SUGCT: variants seen among roughly 807,000 people sequenced by gnomAD.
SUGCT encodes succinyl-CoA:glutarate CoA-transferase.
In SUGCT, 41 loss-of-function variants were observed where a neutral mutation model predicts 55.0. That is an observed-to-expected ratio of 0.74 (90% CI 0.58 to 0.97). SUGCT has a LOEUF of 0.97. Among genes scored for constraint, SUGCT ranks in the 50% least tolerant of loss-of-function variants. SUGCT has a pLI of 0.00. For missense variants in SUGCT, 568 were observed against 547.8 expected (o/e 1.04, Z -0.37); for synonymous variants, 187 against 200.4 (o/e 0.93, Z 0.56).
intron 8 of SUGCT, among the ~76,000 whole-genome samples, chr7:40,287,850 C>T (rs1191334362): frequency 1.3e-5 from 2 of 152,126 alleles, no homozygotes; most frequent in Non-Finnish European, 2.9e-5. Context: ...TCCTAGTTTA[C>T]TGACTGTTTT....
At chr7:40,374,143 G>T (rs1468927206) in intron 9 of SUGCT, among the ~76,000 whole-genome samples, 1 of 152,074 alleles carries the variant, frequency 6.6e-6, no homozygotes, top group Non-Finnish European at 1.5e-5. Flanking sequence ...CAGGAACTTT[G>T]CTGGGCACAT....
chr7:40,368,075 C>T (rs1406020466), intron 9 of SUGCT, among the ~76,000 whole-genome samples: 1 of 152,220 alleles, frequency 6.6e-6, no homozygotes, highest in African/African-American at 2.4e-5. Context: ...GCCTACTTAT[C>T]CTCCAGATTT....
intron 13 of SUGCT, chr7:40,793,396 T>C (rs1790407047): frequency 6.6e-6 from 1 of 152,200 alleles, no homozygotes; most frequent in Admixed American, 6.5e-5. Context: ...GTTTTCATAG[T>C]TATAGGATAT....
the SUGCT span, among the ~76,000 whole-genome samples, chr7:40,937,236 T>G: frequency 7.2e-5 from 11 of 152,090 alleles, no homozygotes; most frequent in Non-Finnish European, 1.3e-4. Context: ...TGGCTCAATC[T>G]CGGCTCACTG....
chr7:40,946,411 G>A, the SUGCT span, among the ~76,000 whole-genome samples: 56 of 152,208 alleles, frequency 3.7e-4, no homozygotes, highest in East Asian at 5.6e-3. Context: ...TTGGAGGGCC[G>A]TTCTCTAGCC....
At chr7:40,946,556 T>C in the SUGCT span, among the ~76,000 whole-genome samples, 1 of 152,220 alleles carries the variant, frequency 6.6e-6, no homozygotes, top group African/African-American at 2.4e-5. Context: ...CTTTATTTGT[T>C]CATGTGGATT....
At chr7:40,790,704 CT>C (rs1446474632) in intron 13 of SUGCT, among the ~76,000 whole-genome samples, 1 of 152,138 alleles carries the variant, frequency 6.6e-6, no homozygotes, top group African/African-American at 2.4e-5. Flanking sequence ...AATTTAAATT[CT>C]GATAACCTTG....
chr7:40,316,531 A>T (rs1475807442), intron 8 of SUGCT, among the ~76,000 whole-genome samples: 1 of 152,144 alleles, frequency 6.6e-6, no homozygotes, highest in Admixed American at 6.6e-5. Flanking sequence ...TTGAACGTTT[A>T]TGTATTTATA....
rs375315256 is a variant in SUGCT, at chr7:40,150,752, G to A, written c.100+15632G>A. Among the ~76,000 whole-genome samples the A allele has an allele frequency of 8.2e-4, 125 of 152,296 alleles. 2 individuals are homozygous for A. The South Asian group carries it at 0.018, about 22-fold the overall frequency. On this transcript the variant is annotated intron_variant, in intron 1 of 13. Coordinates refer to ENST00000335693, the MANE Select transcript of SUGCT (RefSeq NM_001193313.2). ...CTGATTTGAGTAATAATAAAACTCCGGTCTTCCGCTCAGCCAGCTCTGCGT... is the reference window on the plus strand; with the variant it reads ...CTGATTTGAGTAATAATAAAACTCCAGTCTTCCGCTCAGCCAGCTCTGCGT...
At chr7:40,964,152 A>AGAGAAT in the SUGCT span, among the ~76,000 whole-genome samples, 1 of 152,230 alleles carries the variant, frequency 6.6e-6, no homozygotes, top group South Asian at 2.1e-4. Flanking sequence ...TTCATTTTGT[A>AGAGAAT]TCAATGAATC....
At chr7:40,307,180 A>G (rs536186070) in intron 8 of SUGCT, among the ~76,000 whole-genome samples, 12 of 152,332 alleles carry the variant, frequency 7.9e-5, no homozygotes, top group South Asian at 4.1e-4. Flanking sequence ...CTGGTTTTCA[A>G]TGTTTACAGG....
the SUGCT span, among the ~76,000 whole-genome samples, chr7:41,009,560 T>C: frequency 2.0e-5 from 3 of 151,602 alleles, no homozygotes; most frequent in Non-Finnish European, 2.9e-5. Flanking sequence ...CCACCATCCA[T>C]CCTTCCTTCC....
At chr7:40,159,316 T>C (rs1306222397) in intron 1 of SUGCT, among the ~76,000 whole-genome samples, 2 of 151,516 alleles carry the variant, frequency 1.3e-5, no homozygotes, top group African/African-American at 4.9e-5. Flanking sequence ...CGAAAAGAGG[T>C]CTGGTTTCTG....
At chr7:40,951,071 TG>T in the SUGCT span, among the ~76,000 whole-genome samples, 4 of 152,322 alleles carry the variant, frequency 2.6e-5, no homozygotes, top group South Asian at 4.1e-4. Flanking sequence ...AGAATTCAGC[TG>T]TGAATCCATC....
rs1395681350 is a variant in SUGCT, at chr7:40,139,175, T to TC, written c.100+4055_100+4056insC. ...ATAAATAAATAAATAAATAAATAAA[T>TC]AAATCCAGGATTCATAATATTAATT... On this transcript the variant is annotated intron_variant, in intron 1 of 13. Transcript: ENST00000335693. Among the ~76,000 whole-genome samples, 626 of 142,718 alleles carry TC rather than the reference T, an allele frequency of 4.4e-3. 5 individuals are homozygous for TC. The highest frequency in any genetic ancestry group is 0.014 in the African/African-American group (550 of 38,118). 93.6% of individuals were successfully genotyped at this position (142,718 alleles called of 152,430 possible). A position where few individuals can be genotyped will look rare whatever the true frequency, so the allele number is the denominator to read the frequency against.
At chr7:40,657,079 A>G (rs975067132) in intron 12 of SUGCT, among the ~76,000 whole-genome samples, 2 of 152,152 alleles carry the variant, frequency 1.3e-5, no homozygotes, top group Non-Finnish European at 2.9e-5. Context: ...TTTTTGTTGG[A>G]CAGAATAACT....
chr7:40,877,196 AATC>A, the SUGCT span, among the ~76,000 whole-genome samples: 1 of 152,222 alleles, frequency 6.6e-6, no homozygotes, highest in African/African-American at 2.4e-5. Flanking sequence ...CATAGCTTGT[AATC>A]AACACATTAA....
intron 9 of SUGCT, among the ~76,000 whole-genome samples, chr7:40,371,990 T>C (rs79752096): frequency 0.019 from 2,925 of 151,698 alleles, 88 homozygotes; most frequent in African/African-American, 0.067. Flanking sequence ...AAAAATAGTC[T>C]AGGTTGAGGA....
At chr7:40,523,015 G>T (rs1336267614) in intron 12 of SUGCT, among the ~76,000 whole-genome samples, 2 of 152,006 alleles carry the variant, frequency 1.3e-5, no homozygotes, top group African/African-American at 4.8e-5. Flanking sequence ...CAAAATATGG[G>T]AAGTGAATAT....
Sources: gnomAD v4.1 joint callset for allele counts (sites outside exome capture counted in the v4.1 genomes callset) on GRCh38, gnomAD v4.1.1 for gene constraint, MANE v1.5 for transcripts, NCBI Gene and HGNC (gene_info 2026-07-23, HGNC 2026-07-21) for gene names.